Variants in GALNT17 observed in about 807,000 individuals in gnomAD.
GALNT17 encodes polypeptide N-acetylgalactosaminyltransferase 17, also known as UDP-GalNAc:polypeptide N-acetylgalactosaminyltransferase-like 3.
In GALNT17, 29 loss-of-function variants were observed where a neutral mutation model predicts 63.7. The ratio of observed to expected loss-of-function variants is 0.46; its 90% confidence interval spans 0.34 to 0.62. GALNT17 has a LOEUF of 0.62. Among genes scored for constraint, GALNT17 ranks in the 20% least tolerant of loss-of-function variants. GALNT17 has a pLI of 0.01. For synonymous variants in GALNT17, 305 were observed against 318.3 expected (o/e 0.96, Z 0.45); for missense variants, 603 against 799.6 (o/e 0.75, Z 2.97).
intron 1 of GALNT17, among the ~76,000 whole-genome samples, chr7:71,317,030 T>C (rs1435246127): frequency 6.6e-6 from 1 of 152,224 alleles, no homozygotes; most frequent in African/African-American, 2.4e-5. Flanking sequence ...GAGTGAAATA[T>C]CCCAACTGTT....
chr7:71,500,331 A>G (rs1371140995), intron 5 of GALNT17, among the ~76,000 whole-genome samples: 1 of 152,182 alleles, frequency 6.6e-6, no homozygotes, highest in Non-Finnish European at 1.5e-5. Flanking sequence ...AGGTTCTCTG[A>G]TTTATTCAGA....
At chr7:71,701,791 A>ATG (rs551475038) in intron 9 of GALNT17, among the ~76,000 whole-genome samples, 40 of 39,112 alleles carry the variant, frequency 1.0e-3, no homozygotes, top group South Asian at 4.0e-3. Flanking sequence ...GTGTATATAT[A>ATG]TGTGTGTGTG....
At chr7:71,291,666 A>T (rs949181201) in intron 1 of GALNT17, among the ~76,000 whole-genome samples, 3 of 152,114 alleles carry the variant, frequency 2.0e-5, no homozygotes, top group African/African-American at 7.2e-5. Flanking sequence ...TTTAATTTTA[A>T]TGTTATGCGT....
intron 1 of GALNT17, among the ~76,000 whole-genome samples, chr7:71,290,938 C>T (rs976092341): frequency 3.9e-5 from 6 of 152,252 alleles, no homozygotes; most frequent in African/African-American, 9.6e-5. Flanking sequence ...TCACCTTCTC[C>T]GAGCCTTGGT....
chr7:71,587,796 G>C (rs957276493), intron 6 of GALNT17, among the ~76,000 whole-genome samples: 3 of 152,024 alleles, frequency 2.0e-5, no homozygotes, highest in African/African-American at 7.2e-5. Context: ...AAAATGAATA[G>C]CCAAGCCACA....
intron 1 of GALNT17, among the ~76,000 whole-genome samples, chr7:71,155,028 G>C (rs1402016875): frequency 6.6e-6 from 1 of 151,784 alleles, no homozygotes; most frequent in African/African-American, 2.4e-5. Flanking sequence ...TTGCAGTGGG[G>C]GTTAGGTTGG....
chr7:71,649,091 C>T (rs1790720380), intron 6 of GALNT17, among the ~76,000 whole-genome samples: 1 of 152,208 alleles, frequency 6.6e-6, no homozygotes, highest in Admixed American at 6.5e-5. Context: ...GATCTCTCTC[C>T]ATTTGCCAGC....
At chr7:71,230,516 G>A (rs1471694164) in intron 1 of GALNT17, among the ~76,000 whole-genome samples, 2 of 150,500 alleles carry the variant, frequency 1.3e-5, no homozygotes, top group African/African-American at 4.9e-5. Flanking sequence ...GACTTTCCCT[G>A]TGTTCCTTTG....
intron 9 of GALNT17, among the ~76,000 whole-genome samples, chr7:71,679,403 G>C (rs986788206): frequency 4.0e-5 from 6 of 151,886 alleles, no homozygotes; most frequent in African/African-American, 1.5e-4. Flanking sequence ...CTTAAAAAAA[G>C]AAAAAAATAA....
intron 1 of GALNT17, among the ~76,000 whole-genome samples, chr7:71,266,204 TC>T (rs11359143): frequency 0.48 from 73,015 of 151,786 alleles, 18,252 homozygotes; most frequent in Non-Finnish European, 0.54. Flanking sequence ...TCCGGCATAG[TC>T]CCCCCCATCT....
Position 71,468,159 on chromosome 7 carries a change from T to C in GALNT17, c.962+47054T>C, listed in dbSNP as rs188611053. Among the ~76,000 whole-genome samples, 549 of 151,762 alleles carry C rather than the reference T, an allele frequency of 3.6e-3. 3 individuals carry two copies. Among genetic ancestry groups the C allele is most frequent in the Admixed American group, 7.7e-3 (118 of 15,248 alleles). On this transcript the variant is annotated intron_variant, in intron 5 of 10. Transcript: ENST00000333538. ...CCTCCTGCCGCAGTCTATAGTGTAG[T>C]TGGGACTGCAGATGCTCACCACCAC...
At chr7:71,449,018 A>G (rs925157233) in intron 5 of GALNT17, among the ~76,000 whole-genome samples, 1 of 151,228 alleles carries the variant, frequency 6.6e-6, no homozygotes, top group African/African-American at 2.4e-5. Flanking sequence ...GTTAAAGTTG[A>G]CAGCTGAACT....
chr7:71,291,180 T>A (rs537193563), intron 1 of GALNT17, among the ~76,000 whole-genome samples: 5 of 152,224 alleles, frequency 3.3e-5, no homozygotes, highest in Admixed American at 6.5e-5. Context: ...AAATAGCCAA[T>A]TTCCCCAACA....
intron 1 of GALNT17, among the ~76,000 whole-genome samples, chr7:71,254,854 G>A (rs1439609729): frequency 6.6e-6 from 1 of 152,240 alleles, no homozygotes; most frequent in African/African-American, 2.4e-5. Flanking sequence ...GCCACAGTCT[G>A]CTACTGCGGC....
At chr7:71,408,402 G>A (rs1276935713) in intron 3 of GALNT17, among the ~76,000 whole-genome samples, 1 of 152,228 alleles carries the variant, frequency 6.6e-6, no homozygotes, top group Admixed American at 6.5e-5. Flanking sequence ...GGCAGTGGTG[G>A]CAATGGGAGT....
chr7:71,144,575 C>T lies in GALNT17; in HGVS notation c.238+11535C>T, dbSNP rs116644898. On this transcript the variant is annotated intron_variant, in intron 1 of 10. Coordinates refer to ENST00000333538, the MANE Select transcript of GALNT17 (RefSeq NM_022479.3). ...TATACATCAAGTCCCAAAAGTGTTA[C>T]AGGACCAATAGGTTCATATGCCCAC... Among the ~76,000 whole-genome samples the T allele has an allele frequency of 6.6e-3, 1,012 of 152,200 alleles. 10 individuals carry two copies. The highest frequency in any genetic ancestry group is 0.023 in the African/African-American group (965 of 41,526).
intron 1 of GALNT17, 82 bp downstream of exon 1, chr7:71,133,122 G>A: frequency 8.0e-7 from 1 of 1,246,160 alleles, no homozygotes; most frequent in Non-Finnish European, 1.1e-6. Context: ...TGCGCGCTGC[G>A]CCCTGTGCCT....
chr7:71,411,412 G>C (rs1190403892), intron 3 of GALNT17, among the ~76,000 whole-genome samples: 1 of 152,060 alleles, frequency 6.6e-6, no homozygotes, highest in Admixed American at 6.5e-5. Context: ...GAGCCACCGT[G>C]CCTGGCCAAG....
chr7:71,249,739 C>T (rs570765562), intron 1 of GALNT17, among the ~76,000 whole-genome samples: 1 of 152,108 alleles, frequency 6.6e-6, no homozygotes, highest in African/African-American at 2.4e-5. Flanking sequence ...AAAGATACCC[C>T]CCAAAAGAGA....
Sources: gnomAD v4.1 joint callset for allele counts (sites outside exome capture counted in the v4.1 genomes callset) on GRCh38, gnomAD v4.1.1 for gene constraint, MANE v1.5 for transcripts, NCBI Gene and HGNC (gene_info 2026-07-23, HGNC 2026-07-21) for gene names.